The following IGF2BP3 variants were observed in gnomAD, a reference collection of about 807,000 sequenced individuals.
IGF2BP3 encodes the protein insulin-like growth factor 2 mRNA-binding protein 3.
In IGF2BP3, 9 loss-of-function variants were observed where a neutral mutation model predicts 73.8. The observed-to-expected ratio is 0.12, with a 90% CI of 0.07 to 0.21. The LOEUF is 0.21. Ranked by LOEUF, IGF2BP3 falls within the 10% of genes least tolerant of loss-of-function variation. The pLI is 1.00. For missense variants in IGF2BP3, 542 were observed against 714.0 expected, an observed-to-expected ratio of 0.76 and a Z score of 2.75; for synonymous variants, 258 against 256.7, an observed-to-expected ratio of 1.01 and a Z score of -0.05.
intron 3 of IGF2BP3, among the ~76,000 whole-genome samples, chr7:23,395,038 GCATTA>G (rs1231188070): frequency 6.6e-6 from 1 of 152,148 alleles, no homozygotes; most frequent in South Asian, 2.1e-4. Flanking sequence ...GAGGAGCTTA[GCATTA>G]ATCCACCCTA....
At position 23,400,096 on chromosome 7, in the gene IGF2BP3, G is replaced by C. The variant is rs147288162; in HGVS notation, c.285+18680C>G. Among the ~76,000 whole-genome samples the C allele has an allele frequency of 3.9e-5, 6 of 152,280 alleles. No individual in the cohort carries two copies. The East Asian group carries it at 1.2e-3, about 29-fold the overall frequency. ...CTCAGTACATCTAAGAGGCACACAG[G>C]AGCTGAGCAACTAAAGAAACATTTG... On this transcript the variant is annotated intron_variant, in intron 3 of 14. Coordinates refer to ENST00000258729, the MANE Select transcript of IGF2BP3 (RefSeq NM_006547.3).
At chr7:23,448,775 C>T (rs1788125237) in intron 2 of IGF2BP3, among the ~76,000 whole-genome samples, 1 of 152,060 alleles carries the variant, frequency 6.6e-6, no homozygotes, top group African/African-American at 2.4e-5. Flanking sequence ...GGACCACAGG[C>T]CACAACACCA....
chr7:23,462,195 G>C lies in IGF2BP3; in HGVS notation c.236+6287C>G, dbSNP rs373449707. 2.3e-4 allele frequency among the ~76,000 whole-genome samples: 35 copies of C among 152,286 alleles called. 1 individual carries two copies. In the South Asian group the frequency reaches 6.2e-3, roughly 27 times the overall value. On this transcript the variant is annotated intron_variant, in intron 2 of 14. Coordinates refer to ENST00000258729, the MANE Select transcript of IGF2BP3 (RefSeq NM_006547.3). ...AATGAGAAAGAATAAATTGCTCTGAGCCACTAAGTTTTGGGGTGGTTTGCT... is the reference window on the plus strand; with the variant it reads ...AATGAGAAAGAATAAATTGCTCTGACCCACTAAGTTTTGGGGTGGTTTGCT...
intron 2 of IGF2BP3, among the ~76,000 whole-genome samples, chr7:23,448,464 C>T (rs939655289): frequency 2.0e-5 from 3 of 152,198 alleles, no homozygotes; most frequent in South Asian, 2.1e-4. Context: ...GGCTGGAGGG[C>T]GTAGCACAAC....
chr7:23,326,500 T>G (rs1391762770), intron 10 of IGF2BP3, among the ~76,000 whole-genome samples: 8 of 151,504 alleles, frequency 5.3e-5, no homozygotes, highest in Non-Finnish European at 8.8e-5. Context: ...ATTGTGGAAG[T>G]CAGTGTGGCA....
chr7:23,397,035 C>T (rs1440952050), intron 3 of IGF2BP3, among the ~76,000 whole-genome samples: 1 of 152,208 alleles, frequency 6.6e-6, no homozygotes, highest in Non-Finnish European at 1.5e-5. Flanking sequence ...AGTCCCTACC[C>T]TGTCTTCCAT....
intron 5 of IGF2BP3, among the ~76,000 whole-genome samples, chr7:23,353,773 T>C (rs573343727): frequency 2.6e-5 from 4 of 152,354 alleles, no homozygotes; most frequent in East Asian, 3.9e-4. Flanking sequence ...GCCACACTTA[T>C]TTTGCCAATG....
At chr7:23,427,089 T>C (rs1051764986) in intron 2 of IGF2BP3, among the ~76,000 whole-genome samples, 4 of 152,242 alleles carry the variant, frequency 2.6e-5, no homozygotes, top group Admixed American at 2.0e-4. Context: ...GTTGTCTCGC[T>C]TCTTTCCACC....
intron 2 of IGF2BP3, among the ~76,000 whole-genome samples, chr7:23,430,781 T>C (rs1328903682): frequency 6.6e-6 from 1 of 152,208 alleles, no homozygotes; most frequent in Non-Finnish European, 1.5e-5. Flanking sequence ...GGCAGTGTCT[T>C]ATCCTCTAAC....
At chr7:23,353,218 G>A (rs915791713) in intron 5 of IGF2BP3, among the ~76,000 whole-genome samples, 4 of 152,094 alleles carry the variant, frequency 2.6e-5, no homozygotes, top group African/African-American at 9.7e-5. Context: ...TGCTTGGTGT[G>A]GTCATTTCCG....
At chr7:23,455,722 G>C (rs1428033262) in intron 2 of IGF2BP3, among the ~76,000 whole-genome samples, 1 of 152,098 alleles carries the variant, frequency 6.6e-6, no homozygotes, top group Non-Finnish European at 1.5e-5. Context: ...GTCTCCCTCT[G>C]TTGCCCAGGC....
chr7:23,348,665 C>T (rs1311162445), intron 6 of IGF2BP3, among the ~76,000 whole-genome samples: 5 of 152,100 alleles, frequency 3.3e-5, no homozygotes, highest in African/African-American at 1.2e-4. Context: ...ACTAACTTCC[C>T]TGGCCTGTAC....
intron 3 of IGF2BP3, among the ~76,000 whole-genome samples, chr7:23,380,410 G>A (rs984286935): frequency 6.6e-6 from 1 of 151,868 alleles, no homozygotes; most frequent in East Asian, 1.9e-4. Flanking sequence ...TGATCCATCC[G>A]CTTCGGCCTC....
chr7:23,445,430 G>A (rs1459407710), intron 2 of IGF2BP3, among the ~76,000 whole-genome samples: 2 of 151,900 alleles, frequency 1.3e-5, no homozygotes, highest in Non-Finnish European at 2.9e-5. Context: ...GTTCCTGTGG[G>A]TGTTTTGTAT....
At chr7:23,456,523 T>C (rs949799068) in intron 2 of IGF2BP3, among the ~76,000 whole-genome samples, 1 of 152,212 alleles carries the variant, frequency 6.6e-6, no homozygotes, top group Non-Finnish European at 1.5e-5. Context: ...AGCTATAAGG[T>C]ATCAGAACTT....
chr7:23,342,107 G>A lies in IGF2BP3; in HGVS notation c.1160C>T (p.Ser387Leu), dbSNP rs757499568. 23 of 1,607,516 alleles carry A rather than the reference G, an allele frequency of 1.4e-5. No individual in the cohort carries two copies. Among genetic ancestry groups the A allele is most frequent in the East Asian group, 2.2e-5 (1 of 44,714 alleles). Reference sequence around the variant, plus strand: ...AGGAGTCATGGCTGAAGGGGGCCCTGAGGTGGGAGGTGGCATCCCTGAAGT... The same window carrying A: ...AGGAGTCATGGCTGAAGGGGGCCCTAAGGTGGGAGGTGGCATCCCTGAAGT... Reference protein sequence around the residue: ...PPTSGMPPPTSGPPSAMTPPY... With the variant: ...PPTSGMPPPTLGPPSAMTPPY... Residue 387 changes from serine to leucine, a missense_variant, in exon 10 of 15, where the codon TCA becomes TTA. By Grantham distance (145) the Ser-to-Leu change is moderately radical. Coordinates refer to ENST00000258729, the MANE Select transcript of IGF2BP3 (RefSeq NM_006547.3).
chr7:23,389,174 T>TA (rs1413925048), intron 3 of IGF2BP3, among the ~76,000 whole-genome samples: 45 of 150,744 alleles, frequency 3.0e-4, no homozygotes, highest in African/African-American at 1.1e-3. Flanking sequence ...TTTTTTTTTT[T>TA]AATTGAGACA....
At chr7:23,445,481 G>C (rs1279633790) in intron 2 of IGF2BP3, among the ~76,000 whole-genome samples, 1 of 150,072 alleles carries the variant, frequency 6.7e-6, no homozygotes, top group South Asian at 2.1e-4. Context: ...CGGGTGTTTC[G>C]TATACACTAT....
At chr7:23,368,343 A>AAAAGAAAGAG (rs139877117) in intron 3 of IGF2BP3, among the ~76,000 whole-genome samples, 126 of 138,028 alleles carry the variant, frequency 9.1e-4, no homozygotes, top group African/African-American at 3.4e-3. Context: ...AAGAAAGAAA[A>AAAAGAAAGAG]AAAGAAAGAA....
Sources: gnomAD v4.1 joint callset for allele counts (sites outside exome capture counted in the v4.1 genomes callset) on GRCh38, gnomAD v4.1.1 for gene constraint, MANE v1.5 for transcripts, NCBI Gene and HGNC (gene_info 2026-07-23, HGNC 2026-07-21) for gene names.